Variants in GRIP1 observed in about 807,000 individuals in gnomAD.
GRIP1 encodes the protein glutamate receptor-interacting protein 1.
Under a neutral mutation model 129.9 loss-of-function variants are expected in GRIP1, and 45 were observed. That is an observed-to-expected ratio of 0.35 (90% CI 0.27 to 0.44). The LOEUF is 0.44. Among genes scored for constraint, GRIP1 ranks in the 20% least tolerant of loss-of-function variants. GRIP1 has a pLI of 1.00. For synonymous variants in GRIP1, 530 were observed against 520.8 expected (o/e 1.02, Z -0.24); for missense variants, 1,196 against 1,396.8 (o/e 0.86, Z 2.29).
At chr12:67,057,729 G>A (rs150482951) in intron 1 of GRIP1, among the ~76,000 whole-genome samples, 9 of 152,270 alleles carry the variant, frequency 5.9e-5, no homozygotes, top group African/African-American at 1.7e-4. Context: ...CAGATGAGGC[G>A]CTTTCTCAGC....
intron 1 of GRIP1, among the ~76,000 whole-genome samples, chr12:66,763,866 T>C (rs562366172): frequency 1.3e-5 from 2 of 152,374 alleles, no homozygotes; most frequent in South Asian, 2.1e-4. Context: ...GTTTGTTTTA[T>C]ATTTTTCTCT....
At chr12:66,693,131 T>C (rs1160444106) in intron 1 of GRIP1, among the ~76,000 whole-genome samples, 2 of 151,886 alleles carry the variant, frequency 1.3e-5, no homozygotes, top group Admixed American at 6.5e-5. Flanking sequence ...TTCCTTAACA[T>C]AGTATGTCCC....
chr12:66,863,064 C>T (rs1456202604), intron 1 of GRIP1, among the ~76,000 whole-genome samples: 12 of 151,856 alleles, frequency 7.9e-5, no homozygotes, highest in African/African-American at 2.9e-4. Flanking sequence ...GGCTCATATG[C>T]GTTGAAGTCT....
At chr12:66,672,877 G>A (rs570096706) in intron 1 of GRIP1, among the ~76,000 whole-genome samples, 6 of 152,260 alleles carry the variant, frequency 3.9e-5, no homozygotes, top group African/African-American at 1.4e-4. Context: ...TTAATTTACA[G>A]ATTAAGAAAC....
intron 1 of GRIP1, among the ~76,000 whole-genome samples, chr12:66,823,621 CAG>C (rs1196908812): frequency 6.6e-6 from 1 of 152,030 alleles, no homozygotes; most frequent in East Asian, 1.9e-4. Flanking sequence ...TAAAAAAAAT[CAG>C]AGACATTTAA....
intron 1 of GRIP1, among the ~76,000 whole-genome samples, chr12:66,881,961 G>C (rs1266777939): frequency 6.6e-6 from 1 of 152,164 alleles, no homozygotes; most frequent in African/African-American, 2.4e-5. Flanking sequence ...GTCATTCAGA[G>C]AGGTGGCATC....
intron 1 of GRIP1, among the ~76,000 whole-genome samples, chr12:66,726,985 T>C (rs576199354): frequency 6.6e-6 from 1 of 152,336 alleles, no homozygotes; most frequent in Admixed American, 6.5e-5. Flanking sequence ...AAATCATTTA[T>C]ATTGTAGTAG....
chr12:67,011,366 T>C (rs2042704779), intron 1 of GRIP1, among the ~76,000 whole-genome samples: 11 of 152,204 alleles, frequency 7.2e-5, no homozygotes, highest in Admixed American at 7.2e-4. Flanking sequence ...AATGTAAATC[T>C]ATTTAAAATG....
chr12:66,995,016 T>C (rs766540717), intron 1 of GRIP1, among the ~76,000 whole-genome samples: 6 of 152,184 alleles, frequency 3.9e-5, no homozygotes, highest in Middle Eastern at 3.4e-3. Context: ...TGGAGTAGAA[T>C]TATGAGTCCA....
intron 5 of GRIP1, among the ~76,000 whole-genome samples, chr12:66,528,419 G>A (rs1565830433): frequency 6.6e-6 from 1 of 152,118 alleles, no homozygotes; most frequent in Non-Finnish European, 1.5e-5. Context: ...TTACAGGCGT[G>A]AGTCACTGTG....
At chr12:66,492,235 C>G (rs528992688) in intron 7 of GRIP1, among the ~76,000 whole-genome samples, 1 of 151,990 alleles carries the variant, frequency 6.6e-6, no homozygotes, top group East Asian at 1.9e-4. Flanking sequence ...GAATACCAAC[C>G]ACTCAGATTT....
chr12:66,492,614 A>G (rs770718380), intron 7 of GRIP1, among the ~76,000 whole-genome samples: 7 of 152,166 alleles, frequency 4.6e-5, no homozygotes, highest in Non-Finnish European at 8.8e-5. Context: ...TAATCATAAA[A>G]TAAATAAAAT....
At chr12:66,813,405 C>T (rs1364735263) in intron 1 of GRIP1, among the ~76,000 whole-genome samples, 3 of 152,178 alleles carry the variant, frequency 2.0e-5, no homozygotes, top group African/African-American at 4.8e-5. Flanking sequence ...CTGGGGATCA[C>T]ATTTCAACAT....
rs189450814 is a variant in GRIP1 at position 66,985,322 on chromosome 12, A to G, written c.58+83728T>C. ...AAGATGAGCTTGCAGTATGCGATAT[A>G]TTGTGGCAGCTACCATTGGAAAATA... On this transcript the variant is annotated intron_variant, in intron 1 of 1. Coordinates refer to the GRIP1 transcript ENST00000643019. Among the ~76,000 whole-genome samples the G allele has an allele frequency of 5.9e-5, 9 of 151,638 alleles. No individual in the cohort carries two copies. In the East Asian group the frequency reaches 1.7e-3, roughly 29 times the overall value.
chr12:66,435,580 GTATCTGTA>G (rs1405945178), intron 13 of GRIP1, among the ~76,000 whole-genome samples: 1 of 152,148 alleles, frequency 6.6e-6, no homozygotes, highest in African/African-American at 2.4e-5. Context: ...TTGTACATAT[GTATCTGTA>G]TATCTGTATA....
intron 1 of GRIP1, among the ~76,000 whole-genome samples, chr12:66,742,030 C>T (rs1215873222): frequency 6.6e-6 from 1 of 152,164 alleles, no homozygotes; most frequent in Non-Finnish European, 1.5e-5. Context: ...TAGAATTATA[C>T]ACCACTGTAC....
chr12:66,758,232 G>A (rs1208383326), intron 1 of GRIP1, among the ~76,000 whole-genome samples: 1 of 152,040 alleles, frequency 6.6e-6, no homozygotes, highest in Non-Finnish European at 1.5e-5. Flanking sequence ...TATGGTGGGA[G>A]GTAAAAGGCA....
intron 1 of GRIP1, among the ~76,000 whole-genome samples, chr12:66,905,194 T>C (rs2040911359): frequency 6.6e-6 from 1 of 152,222 alleles, no homozygotes; most frequent in African/African-American, 2.4e-5. Context: ...AAATTCTAGT[T>C]CAAATTGCCC....
At chr12:66,814,503 A>G (rs1182438117) in intron 1 of GRIP1, among the ~76,000 whole-genome samples, 1 of 152,014 alleles carries the variant, frequency 6.6e-6, no homozygotes, top group Non-Finnish European at 1.5e-5. Flanking sequence ...CGATAGTCTA[A>G]CATATATTTG....
Sources: allele counts gnomAD v4.1 joint callset (sites outside exome capture counted in the v4.1 genomes callset), GRCh38; gene constraint gnomAD v4.1.1; transcripts MANE v1.5; gene names NCBI Gene and HGNC (gene_info 2026-07-23, HGNC 2026-07-21).